Variants in NID1 observed in about 807,000 individuals in gnomAD.
NID1 encodes the protein nidogen-1.
A neutral mutation model predicts 130.6 loss-of-function variants in NID1; 76 were observed. That is an observed-to-expected ratio of 0.58 (90% confidence interval 0.48 to 0.70). NID1 has a LOEUF of 0.70. Ranked by LOEUF, NID1 falls within the 30% of genes least tolerant of loss-of-function variation. NID1 has a pLI of 0.00. For synonymous variants in NID1, 665 were observed against 675.1 expected (o/e 0.98, Z 0.23); for missense variants, 1,517 against 1,664.8 (o/e 0.91, Z 1.54).
intron 7 of NID1, among the ~76,000 whole-genome samples, chr1:236,026,368 A>C (rs1465362954): frequency 6.6e-6 from 1 of 152,200 alleles, no homozygotes; most frequent in African/African-American, 2.4e-5. Context: ...TATTATTCGT[A>C]TTATGTGTAT....
intron 6 of NID1, among the ~76,000 whole-genome samples, chr1:236,030,344 C>T (rs1659059458): frequency 6.6e-6 from 1 of 152,190 alleles, no homozygotes; most frequent in Non-Finnish European, 1.5e-5. Context: ...TCTCCCTTTT[C>T]CACAATGACC....
intron 4 of NID1, among the ~76,000 whole-genome samples, chr1:236,039,143 A>C (rs1228140751): frequency 6.9e-6 from 1 of 144,074 alleles, no homozygotes; most frequent in East Asian, 2.0e-4. Flanking sequence ...ACAATATATT[A>C]CATTATAATA....
Position 236,038,212 on chromosome 1 carries a change from T to C in NID1, c.1177A>G (p.Asn393Asp). ...GCGTGCACCGAGCACTGGTGTCTGT[T>C]GTTAGCACACGTCTGGCGGGAATCC... ...NTDSRQTCANNRHQCSVHAEC... is the reference protein window; with the variant it reads ...NTDSRQTCANDRHQCSVHAEC... The change falls in exon 5 of 20, where the codon AAC becomes GAC. Residue 393 changes from asparagine (N) to aspartate (D), a missense_variant. By Grantham distance (23) the Asn-to-Asp change is conservative. Around this residue, in one of 3 missense-constraint regions of NID1, gnomAD observed 1,329 missense variants for 1,429.2 expected, o/e 0.93. Coordinates refer to ENST00000264187, the MANE Select transcript of NID1 (RefSeq NM_002508.3). 1 of 1,613,730 alleles carries C rather than the reference T, an allele frequency of 6.2e-7. No individual in the cohort carries two copies. The highest frequency in any genetic ancestry group is 8.5e-7 in the Non-Finnish European group (1 of 1,179,690).
At chr1:236,049,186 G>C (rs1310041462) in intron 1 of NID1, among the ~76,000 whole-genome samples, 197 bp from the exon 2 acceptor site, 1 of 152,140 alleles carries the variant, frequency 6.6e-6, no homozygotes, top group Non-Finnish European at 1.5e-5. Flanking sequence ...AAGAGAACAG[G>C]AGTCATTATT....
At position 236,045,772 on chromosome 1, in the gene NID1, A is replaced by G. The variant is rs573696085; in HGVS notation, c.526-89T>C. 8.1e-6 allele frequency: 8 copies of G among 986,190 alleles called. No individual in the cohort carries two copies. In the South Asian group the frequency reaches 9.8e-5, roughly 12 times the overall value. The allele number at this position is 986,190 out of a possible 1,614,324, so 61.1% of individuals were successfully genotyped here. ...TCGCCAGACTATCTATAAAGCGTAC[A>G]GTGCTATAGAGCGATGGCAATATTC... is the stretch of plus-strand genomic sequence containing the variant. On this transcript the variant is annotated intron_variant, in intron 2 of 19. Transcript: ENST00000264187.
intron 17 of NID1, 54 bp downstream of exon 17, chr1:235,980,442 C>T (rs542280144): frequency 3.8e-5 from 61 of 1,592,264 alleles, no homozygotes; most frequent in Non-Finnish European, 5.1e-5. Flanking sequence ...AGTTTGCCCA[C>T]CCCTGACTTA....
intron 2 of NID1, among the ~76,000 whole-genome samples, chr1:236,048,105 G>A (rs1659661355): frequency 6.6e-6 from 1 of 150,564 alleles, no homozygotes; most frequent in Admixed American, 6.6e-5. Context: ...AGGCTGAGAA[G>A]GGTGGATCAC....
Position 235,981,188 on chromosome 1 carries a change from G to A in NID1, c.3227+423C>T, listed in dbSNP as rs138949905. Reference sequence around the variant, plus strand: ...GTAGAGCTTGCAGTAAGAAGGAAGAGAAAGCATGGATGTGCCGAAGAAACA... The same window carrying A: ...GTAGAGCTTGCAGTAAGAAGGAAGAAAAAGCATGGATGTGCCGAAGAAACA... On this transcript the variant is annotated intron_variant, in intron 16 of 19. Transcript: ENST00000264187. 4.4e-3 allele frequency among the ~76,000 whole-genome samples: 676 copies of A among 152,354 alleles called. 8 individuals are homozygous for A. The highest frequency in any genetic ancestry group is 0.024 in the Middle Eastern group (7 of 294).
chr1:236,037,532 T>C (rs560813876), intron 5 of NID1, among the ~76,000 whole-genome samples: 2 of 151,926 alleles, frequency 1.3e-5, no homozygotes, highest in African/African-American at 4.8e-5. Context: ...GTGGCGCACA[T>C]CTGTAATTCC....
In NID1 at chr1:235,976,153, A is replaced by G. The variant is rs1030258793; in HGVS notation, c.*1714T>C. ...CTCGAATCTTGTGATTCTTGGGGCTATATTTGCCTCTCAAGACAAACTCCA... is the reference window on the plus strand; with the variant it reads ...CTCGAATCTTGTGATTCTTGGGGCTGTATTTGCCTCTCAAGACAAACTCCA... On this transcript the variant is annotated 3_prime_UTR_variant, in exon 20 of 20. Transcript: ENST00000264187. The G allele has an allele frequency of 1.3e-5, 2 of 152,250 alleles. No homozygotes were observed. Among genetic ancestry groups the G allele is most frequent in the African/African-American group, 4.8e-5 (2 of 41,462 alleles). The allele number at this position is 152,250 out of a possible 1,614,324, so 9.4% of individuals were successfully genotyped here.
In NID1 at chr1:236,029,673, C is replaced by T. The variant is rs544888225; in HGVS notation, c.1615G>A (p.Gly539Ser). The T allele has an allele frequency of 1.3e-5, 21 of 1,613,972 alleles. No individual in the cohort carries two copies. The highest frequency in any genetic ancestry group is 6.7e-5 in the East Asian group (3 of 44,876). The change falls in exon 7 of 20, where the codon GGC becomes AGC. Residue 539 changes from glycine (G) to serine (S), a missense_variant. By Grantham distance (56) the Gly-to-Ser change is moderately conservative (BLOSUM62 0). Transcript: ENST00000264187. ...GTCAGGTGCCCATGCTCATCGATGC[C>T]GCTGAACCGCTGCTTAATGACCAGA... ...GNLVIKQRFS[G>S]IDEHGHLTID... is the part of the protein sequence containing the mutation.
At position 235,977,621 on chromosome 1, in the gene NID1, T is replaced by A. The variant is rs1657306458; in HGVS notation, c.*246A>T. The A allele has an allele frequency of 1.7e-5, 8 of 472,858 alleles. No homozygotes were observed. In the South Asian group the frequency reaches 1.8e-4, roughly 11 times the overall value. 29.3% of individuals were successfully genotyped at this position (472,858 alleles called of 1,614,324 possible). A position where few individuals can be genotyped will look rare whatever the true frequency, so the allele number is the denominator to read the frequency against. On this transcript the variant is annotated 3_prime_UTR_variant, in exon 20 of 20. Transcript: ENST00000264187. ...TAATCCTCACTCAGGGGTGTATAAG[T>A]CTGTCTGAGGGTTGGGGGTAGGGGT... is the stretch of plus-strand genomic sequence containing the variant.
At chr1:236,042,333 C>T in intron 3 of NID1, 41 bp from the exon 4 acceptor site, 2 of 1,567,158 alleles carry the variant, frequency 1.3e-6, no homozygotes, top group African/African-American at 2.7e-5. Context: ...GGCCAGCAAC[C>T]CACCAACAGC....
In NID1 at chr1:235,979,208, C is replaced by T; in HGVS notation, c.3510-101G>A. On this transcript the variant is annotated intron_variant, in intron 18 of 19. Coordinates refer to ENST00000264187, the MANE Select transcript of NID1 (RefSeq NM_002508.3). The surrounding 1 kb of genome is among the most constrained non-coding windows in gnomAD (Gnocchi z 4.6). The stretch of plus-strand genomic sequence containing the variant: ...TGTCATTTTGAGGATAAACTGGAGG[C>T]CATAAACAGACATGATGGCCTTCTT... The T allele has an allele frequency of 1.3e-6, 1 of 752,910 alleles. No homozygotes were observed. 46.6% of individuals were successfully genotyped at this position (752,910 alleles called of 1,614,324 possible).
Position 236,038,096 on chromosome 1 carries a change from C to A in NID1, c.1285+8G>T. ...CCCGCATGAAACGAACATAGAAAAG[C>A]AAATTACCTTCTGCAACACATTGCC... On this transcript the variant is annotated splice_region_variant and intron_variant, in intron 5 of 19. Coordinates refer to ENST00000264187, the MANE Select transcript of NID1 (RefSeq NM_002508.3). 1.9e-6 allele frequency: 3 copies of A among 1,589,194 alleles called. No homozygotes were observed. Among genetic ancestry groups the A allele is most frequent in the Non-Finnish European group, 2.6e-6 (3 of 1,162,442 alleles).
At chr1:236,055,439 C>T (rs1037936736) in intron 1 of NID1, among the ~76,000 whole-genome samples, 8 of 151,832 alleles carry the variant, frequency 5.3e-5, no homozygotes. Context: ...CATGGGAGTT[C>T]ATTATATTTT....
rs765999192 is a variant in NID1 at position 235,993,847 on chromosome 1, G to A, written c.2553C>T (p.His851=). ...PGEVEKTRCQ[H]EREHILGAAG... ...CTGCCCCGAGAATGTGTTCTCGCTCGTGCTGGCACCGGGTTTTCTCCACCT... is the reference window on the plus strand; with the variant it reads ...CTGCCCCGAGAATGTGTTCTCGCTCATGCTGGCACCGGGTTTTCTCCACCT... Residue 851 remains histidine (H), a synonymous_variant, in exon 13 of 20, where the codon CAC becomes CAT. Coordinates refer to ENST00000264187, the MANE Select transcript of NID1 (RefSeq NM_002508.3). 2 of 1,613,060 alleles carry A rather than the reference G, an allele frequency of 1.2e-6. No individual in the cohort carries two copies. Among genetic ancestry groups the A allele is most frequent in the Admixed American group, 3.3e-5 (2 of 59,978 alleles).
chr1:235,996,645 G>A (rs1273381720), intron 12 of NID1, among the ~76,000 whole-genome samples: 2 of 151,986 alleles, frequency 1.3e-5, no homozygotes, highest in Admixed American at 6.6e-5. Context: ...GTCTCACTAG[G>A]TTGCCCAGAC....
At chr1:236,049,028 C>T (rs192667347) in intron 1 of NID1, 39 bp from the exon 2 acceptor site, 69 of 1,599,434 alleles carry the variant, frequency 4.3e-5, no homozygotes, top group South Asian at 3.0e-4. Flanking sequence ...AATGCAGAAA[C>T]GGGTCCTTTC....
Sources: allele counts gnomAD v4.1 joint callset (sites outside exome capture counted in the v4.1 genomes callset), GRCh38; gene constraint gnomAD v4.1.1; regional missense constraint gnomAD v4.1.1; non-coding constraint Gnocchi (gnomAD v3.1); transcripts MANE v1.5; gene names NCBI Gene and HGNC (gene_info 2026-07-23, HGNC 2026-07-21).